Variants in TRDN observed in about 807,000 individuals in gnomAD.
TRDN encodes the protein triadin in skeletal muscle.
A neutral mutation model predicts 149.7 loss-of-function variants in TRDN; 161 were observed. That is an observed-to-expected ratio of 1.08 (90% CI 0.95 to 1.23). TRDN has a LOEUF of 1.23. Among genes scored for constraint, TRDN ranks in the 50% most tolerant of loss-of-function variants. TRDN has a pLI of 0.00. For synonymous variants in TRDN, 294 were observed against 250.5 expected (o/e 1.17, Z -1.64); for missense variants, 896 against 823.5 (o/e 1.09, Z -1.08).
At chr6:123,611,676 A>G (rs896300628) in intron 1 of TRDN, among the ~76,000 whole-genome samples, 15 of 152,186 alleles carry the variant, frequency 9.9e-5, no homozygotes, top group African/African-American at 3.4e-4. Flanking sequence ...TGGATAAGTC[A>G]CATTGTGAGT....
chr6:123,474,489 A>G (rs1311554374), intron 9 of TRDN, among the ~76,000 whole-genome samples: 1 of 152,088 alleles, frequency 6.6e-6, no homozygotes, highest in Admixed American at 6.5e-5. Flanking sequence ...AGACTTTAAC[A>G]CCCCACTGTC....
At chr6:123,332,210 T>C (rs150575541) in intron 22 of TRDN, among the ~76,000 whole-genome samples, 4 of 152,182 alleles carry the variant, frequency 2.6e-5, no homozygotes, top group Non-Finnish European at 5.9e-5. Context: ...TAGGACCTTA[T>C]TTATGTGTAA....
chr6:123,416,870 T>A (rs183133680), intron 12 of TRDN, among the ~76,000 whole-genome samples: 68 of 152,100 alleles, frequency 4.5e-4, no homozygotes, highest in Admixed American at 2.7e-3. Context: ...CCTAGCTAAT[T>A]TTTTGTATTT....
intron 21 of TRDN, among the ~76,000 whole-genome samples, chr6:123,347,328 A>C (rs774480427): frequency 1.9e-4 from 29 of 152,128 alleles, no homozygotes; most frequent in Non-Finnish European, 3.5e-4. Flanking sequence ...TGTTATCTAC[A>C]TTATCTTATC....
At chr6:123,475,786 A>G (rs1290440481) in intron 9 of TRDN, among the ~76,000 whole-genome samples, 1 of 150,652 alleles carries the variant, frequency 6.6e-6, no homozygotes, top group African/African-American at 2.4e-5. Context: ...TCCAGCATAT[A>G]AACAGAGCCA....
chr6:123,543,893 C>T (rs911839245), intron 4 of TRDN, among the ~76,000 whole-genome samples: 3 of 151,944 alleles, frequency 2.0e-5, no homozygotes, highest in East Asian at 1.9e-4. Flanking sequence ...ACCTCTCTCA[C>T]GAAAATTTTA....
chr6:123,243,308 C>A (rs756116953), intron 38 of TRDN, among the ~76,000 whole-genome samples: 1 of 151,976 alleles, frequency 6.6e-6, no homozygotes, highest in Non-Finnish European at 1.5e-5. Context: ...TTTCACACAG[C>A]CAAAATCAAA....
Position 123,245,007 on chromosome 6 carries a change from C to G in TRDN, c.1975+7405G>C, listed in dbSNP as rs192571867. On this transcript the variant is annotated intron_variant, in intron 38 of 40. Coordinates refer to ENST00000334268, the MANE Select transcript of TRDN (RefSeq NM_006073.4). ...ATCCAACCAAACTAAGCTTCATAAG[C>G]AAAGGAGAAATAAAATCCTTTACAG... is the stretch of plus-strand genomic sequence containing the variant. Among the ~76,000 whole-genome samples, 43 of 152,136 alleles carry G rather than the reference C, an allele frequency of 2.8e-4. 1 individual carries two copies. The highest frequency in any genetic ancestry group is 9.6e-4 in the African/African-American group (40 of 41,548).
intron 1 of TRDN, among the ~76,000 whole-genome samples, chr6:123,598,651 C>A (rs117887565): frequency 6.6e-6 from 1 of 152,096 alleles, no homozygotes; most frequent in Non-Finnish European, 1.5e-5. Flanking sequence ...ATAGCCACAC[C>A]CATTCATTTT....
chr6:123,579,525 C>A (rs1783016440), intron 1 of TRDN, among the ~76,000 whole-genome samples: 1 of 152,118 alleles, frequency 6.6e-6, no homozygotes, highest in Non-Finnish European at 1.5e-5. Flanking sequence ...TTTTGATGTG[C>A]TGACGGATTT....
chr6:123,525,121 G>A (rs761125018), intron 5 of TRDN, among the ~76,000 whole-genome samples: 48 of 152,060 alleles, frequency 3.2e-4, no homozygotes, highest in Middle Eastern at 3.4e-3. Context: ...AAATTCATTC[G>A]ACCTCTATGG....
intron 5 of TRDN, among the ~76,000 whole-genome samples, chr6:123,528,244 A>G (rs1036045598): frequency 1.4e-5 from 2 of 147,336 alleles, no homozygotes; most frequent in Non-Finnish European, 1.5e-5. Flanking sequence ...AGAAATATAT[A>G]TCCTGTGGGA....
chr6:123,309,674 G>GT (rs1277503119), intron 24 of TRDN, among the ~76,000 whole-genome samples: 2 of 151,224 alleles, frequency 1.3e-5, no homozygotes, highest in East Asian at 1.9e-4. Flanking sequence ...CCTATACATA[G>GT]TTTTTTTTCA....
At chr6:123,416,534 C>T (rs6569343) in intron 12 of TRDN, among the ~76,000 whole-genome samples, 112,549 of 152,052 alleles carry the variant, frequency 0.74, 41,882 homozygotes, top group East Asian at 0.93. Flanking sequence ...AGTGAAAACA[C>T]AGCACCTTCC....
chr6:123,596,579 A>C (rs1784047921), intron 1 of TRDN, among the ~76,000 whole-genome samples: 3 of 152,164 alleles, frequency 2.0e-5, no homozygotes, highest in African/African-American at 7.2e-5. Flanking sequence ...TTGGCTTCAA[A>C]GCTTCAAAGG....
rs950248110 is a variant in TRDN at position 123,255,030 on chromosome 6, A to T, written c.1951+51T>A. 40 of 1,007,024 alleles carry T rather than the reference A, an allele frequency of 4.0e-5. No homozygotes were observed. In the Middle Eastern group the frequency reaches 1.9e-3, roughly 49 times the overall value. The allele number at this position is 1,007,024 out of a possible 1,614,324, so 62.4% of individuals were successfully genotyped here. On this transcript the variant is annotated intron_variant, in intron 37 of 40. Transcript: ENST00000334268. ...TTTAATATTAATATTAAGCAACAAC[A>T]TAATTCATATGTTTTCATACAAACA...
chr6:123,544,246 TACACACACACACACACACAC>T lies in TRDN; in HGVS notation c.424+3074_424+3093del, dbSNP rs71021453. Among the ~76,000 whole-genome samples, 736 of 144,326 alleles carry T rather than the reference TACACACACACACACACACAC, an allele frequency of 5.1e-3. 3 individuals carry two copies. Among genetic ancestry groups the T allele is most frequent in the African/African-American group, 0.017 (678 of 39,464 alleles). 94.7% of individuals were successfully genotyped at this position (144,326 alleles called of 152,430 possible). A position where few individuals can be genotyped will look rare whatever the true frequency, so the allele number is the denominator to read the frequency against. On this transcript the variant is annotated intron_variant, in intron 4 of 40. Transcript: ENST00000334268. ...GAGAAGCCTTATGCACATCTGTACA[TACACACACACACACACACAC>T]ACACACACACACACACACACACACA...
intron 10 of TRDN, chr6:123,462,994 T>C (rs981312191): frequency 6.6e-6 from 1 of 152,154 alleles, no homozygotes; most frequent in Non-Finnish European, 1.5e-5. Flanking sequence ...ACCTTGTTAT[T>C]TTATTCACCA....
intron 23 of TRDN, among the ~76,000 whole-genome samples, chr6:123,327,571 T>C: frequency 6.6e-6 from 1 of 152,154 alleles, no homozygotes; most frequent in East Asian, 1.9e-4. Context: ...CATTTATTCT[T>C]TGTAACAGAG....
Sources: gnomAD v4.1 joint callset for allele counts (sites outside exome capture counted in the v4.1 genomes callset) on GRCh38, gnomAD v4.1.1 for gene constraint, MANE v1.5 for transcripts, NCBI Gene and HGNC (gene_info 2026-07-23, HGNC 2026-07-21) for gene names.